Variants in TENM2 observed in about 807,000 individuals in gnomAD.
TENM2 encodes teneurin-2.
Under a neutral mutation model 245.2 loss-of-function variants are expected in TENM2, and 52 were observed. The ratio of observed to expected loss-of-function variants is 0.21; its 90% CI spans 0.17 to 0.27. The LOEUF is 0.27. TENM2 is among the 10% of genes least tolerant of loss of function. TENM2 has a pLI of 1.00. For synonymous variants in TENM2, 1,363 were observed against 1,438.9 expected (o/e 0.95, Z 1.19); for missense variants, 3,046 against 3,666.8 (o/e 0.83, Z 4.37).
chr5:167,489,413 A>G (rs183031551), intron 2 of TENM2, among the ~76,000 whole-genome samples: 29 of 152,092 alleles, frequency 1.9e-4, no homozygotes, highest in Middle Eastern at 3.4e-3. Context: ...TTTCTGGATT[A>G]CTCACTCCCC....
At chr5:167,028,233 A>C in the TENM2 span, among the ~76,000 whole-genome samples, 1 of 152,196 alleles carries the variant, frequency 6.6e-6, no homozygotes, top group Admixed American at 6.5e-5. Flanking sequence ...ATAATATGCT[A>C]GAATTTATTC....
chr5:167,963,759 A>T (rs934381170), intron 4 of TENM2, among the ~76,000 whole-genome samples: 2 of 151,338 alleles, frequency 1.3e-5, no homozygotes, highest in African/African-American at 4.9e-5. Context: ...TTAATGAAGC[A>T]TGTTAGATCT....
chr5:167,156,913 GAGA>G, the TENM2 span, among the ~76,000 whole-genome samples: 1 of 152,216 alleles, frequency 6.6e-6, no homozygotes, highest in South Asian at 2.1e-4. Flanking sequence ...TACCAAGGGA[GAGA>G]AGAAGTGGTA....
chr5:167,937,460 G>C (rs1778812053), intron 3 of TENM2, among the ~76,000 whole-genome samples: 1 of 152,170 alleles, frequency 6.6e-6, no homozygotes, highest in African/African-American at 2.4e-5. Flanking sequence ...TTTCCAGACT[G>C]GCTGTCTCAT....
intron 3 of TENM2, among the ~76,000 whole-genome samples, chr5:167,894,453 C>G (rs968617640): frequency 1.8e-5 from 1 of 55,022 alleles, no homozygotes; most frequent in Non-Finnish European, 5.0e-5. Context: ...CTCCTTTTCT[C>G]TCCCCACTCT....
chr5:167,679,306 A>G (rs376390162), intron 2 of TENM2, among the ~76,000 whole-genome samples: 15 of 152,294 alleles, frequency 9.8e-5, no homozygotes, highest in South Asian at 8.3e-4. Context: ...CCATATTCAT[A>G]TGGTAAAATT....
intron 5 of TENM2, among the ~76,000 whole-genome samples, chr5:168,025,026 G>A (rs76627406): frequency 0.015 from 2,288 of 152,240 alleles, 60 homozygotes; most frequent in African/African-American, 0.053. Context: ...TTTCAGATTC[G>A]TAAGGCCCTT....
the TENM2 span, among the ~76,000 whole-genome samples, chr5:167,103,622 C>A: frequency 6.6e-6 from 1 of 152,118 alleles, no homozygotes; most frequent in Non-Finnish European, 1.5e-5. Flanking sequence ...CTTGGAGCAC[C>A]CCAGCAGACT....
At chr5:168,151,007 C>T (rs1181926737) in intron 12 of TENM2, among the ~76,000 whole-genome samples, 1 of 152,108 alleles carries the variant, frequency 6.6e-6, no homozygotes, top group Non-Finnish European at 1.5e-5. Context: ...TGTTGCTTGC[C>T]TCCCCTCTGT....
intron 2 of TENM2, among the ~76,000 whole-genome samples, chr5:167,502,052 T>A (rs1203886570): frequency 6.6e-6 from 1 of 151,650 alleles, no homozygotes; most frequent in African/African-American, 2.4e-5. Flanking sequence ...TTGCTCTAGA[T>A]AGTTTTGGCA....
At chr5:168,242,075 A>G (rs193107502) in intron 25 of TENM2, among the ~76,000 whole-genome samples, 3 of 152,286 alleles carry the variant, frequency 2.0e-5, no homozygotes, top group Admixed American at 1.3e-4. Context: ...CAGCCATCAC[A>G]TACACATTTC....
chr5:167,320,487 T>C (rs1271661307), intron 1 of TENM2, among the ~76,000 whole-genome samples: 2 of 152,224 alleles, frequency 1.3e-5, no homozygotes, highest in Non-Finnish European at 2.9e-5. Context: ...CATTCAGGGC[T>C]TAGCCATATA....
intron 2 of TENM2, among the ~76,000 whole-genome samples, chr5:167,743,930 C>T (rs542001004): frequency 2.0e-5 from 3 of 152,286 alleles, no homozygotes; most frequent in Admixed American, 6.5e-5. Flanking sequence ...AATTATGAAA[C>T]TAGAAGTGAG....
At chr5:167,330,894 T>A (rs1757420670) in intron 1 of TENM2, among the ~76,000 whole-genome samples, 1 of 152,034 alleles carries the variant, frequency 6.6e-6, no homozygotes, top group South Asian at 2.1e-4. Context: ...TAGACATAAG[T>A]TTTGGTCACT....
intron 2 of TENM2, among the ~76,000 whole-genome samples, chr5:167,565,149 C>T (rs1190895429): frequency 6.6e-6 from 1 of 152,190 alleles, no homozygotes; most frequent in East Asian, 1.9e-4. Flanking sequence ...TACAGGATGA[C>T]CTTATTTTTA....
the TENM2 span, among the ~76,000 whole-genome samples, chr5:167,130,598 C>A: frequency 2.9e-4 from 44 of 152,276 alleles, no homozygotes; most frequent in Admixed American, 2.2e-3. Flanking sequence ...ATCCGAAGAG[C>A]CCTGCCATGT....
chr5:168,228,706 G>C (rs931810697), intron 25 of TENM2, among the ~76,000 whole-genome samples: 1 of 80,148 alleles, frequency 1.2e-5, no homozygotes, highest in Non-Finnish European at 2.0e-5. Flanking sequence ...CCAGAGGGAT[G>C]CCACTCAGCC....
chr5:168,241,840 C>A (rs879094366), intron 25 of TENM2, among the ~76,000 whole-genome samples: 4 of 152,158 alleles, frequency 2.6e-5, no homozygotes, highest in Admixed American at 2.6e-4. Context: ...GTTTCCACCG[C>A]TAGTAACAGA....
At chr5:167,289,089 C>T (rs1270870445) in intron 1 of TENM2, among the ~76,000 whole-genome samples, 1 of 152,174 alleles carries the variant, frequency 6.6e-6, no homozygotes, top group African/African-American at 2.4e-5. Context: ...TCCTGACTCT[C>T]CAGAAGCATT....
Sources: allele counts gnomAD v4.1 joint callset (sites outside exome capture counted in the v4.1 genomes callset), GRCh38; gene constraint gnomAD v4.1.1; transcripts MANE v1.5; gene names NCBI Gene and HGNC (gene_info 2026-07-23, HGNC 2026-07-21).